Variants in FAM227B observed in about 807,000 individuals in gnomAD.
FAM227B encodes the protein protein FAM227B.
FAM227B carries 88 observed loss-of-function variants against 73.8 expected under a neutral mutation model. The observed-to-expected ratio is 1.19, with a 90% CI of 1.00 to 1.42. The LOEUF (loss-of-function observed/expected upper bound fraction) is 1.42. Among genes scored for constraint, FAM227B ranks in the 40% most tolerant of loss-of-function variants. The probability of loss-of-function intolerance (pLI) is 0.00; values close to 1 mark genes in which losing one functional copy is unlikely to be tolerated. For synonymous variants in FAM227B, 210 were observed against 190.5 expected, an observed-to-expected ratio of 1.10 and a Z score of -0.84; for missense variants, 632 against 590.9, an observed-to-expected ratio of 1.07 and a Z score of -0.72.
intron 11 of FAM227B, among the ~76,000 whole-genome samples, chr15:49,443,774 T>C (rs1157582828): frequency 2.6e-5 from 4 of 151,690 alleles, no homozygotes; most frequent in Admixed American, 2.0e-4. Flanking sequence ...CAACCATGGT[T>C]TGGCTTCAGA....
At chr15:49,585,693 G>T (rs1446303008) in intron 5 of FAM227B, among the ~76,000 whole-genome samples, 1 of 152,110 alleles carries the variant, frequency 6.6e-6, no homozygotes, top group African/African-American at 2.4e-5. Flanking sequence ...GGACTGTTGT[G>T]GGGTGGGTGG....
In FAM227B at chr15:49,521,051, C is replaced by T. The variant is rs117163244; in HGVS notation, c.875-12703G>A. ...ATGGGAACTTCCTGGGGGTACAGCA[C>T]AGGGCAGCCAGATTGTGCATGTGTG... On this transcript the variant is annotated intron_variant, in intron 10 of 15. Coordinates refer to ENST00000299338, the MANE Select transcript of FAM227B (RefSeq NM_152647.3). Among the ~76,000 whole-genome samples the T allele has an allele frequency of 1.8e-4, 27 of 152,292 alleles. No individual in the cohort carries two copies. In the East Asian group the frequency reaches 5.0e-3, roughly 28 times the overall value.
intron 13 of FAM227B, among the ~76,000 whole-genome samples, chr15:49,350,736 C>A (rs1333386956): frequency 6.6e-6 from 1 of 152,186 alleles, no homozygotes; most frequent in African/African-American, 2.4e-5. Flanking sequence ...CCCTAACACA[C>A]AGGAAGCTTC....
In FAM227B at chr15:49,508,299, G is replaced by T. The variant is rs73400279; in HGVS notation, c.924C>A (p.Leu308=). Residue 308 remains leucine, a synonymous_variant, in exon 11 of 16, where the codon CTC becomes CTA. Transcript: ENST00000299338. ...TGCTACCATGAATGGTGGTTGTGGAGAGTTCTTTCAGTTTCCAGTGGATCC... is the reference window on the plus strand; with the variant it reads ...TGCTACCATGAATGGTGGTTGTGGATAGTTCTTTCAGTTTCCAGTGGATCC... The part of the protein sequence containing the change: ...GFWIHWKLKE[L]STTTIHGSKK... 8,430 of 1,610,516 alleles carry T rather than the reference G, an allele frequency of 5.2e-3. 410 individuals are homozygous for T. The African/African-American group carries it at 0.1, about 20-fold the overall frequency.
intron 11 of FAM227B, among the ~76,000 whole-genome samples, chr15:49,472,514 G>A (rs2054868564): frequency 1.3e-5 from 2 of 152,172 alleles, no homozygotes; most frequent in Admixed American, 6.5e-5. Context: ...AAAAAGACTG[G>A]GAAATGGAAA....
At chr15:49,477,808 T>G (rs1227082514) in intron 11 of FAM227B, among the ~76,000 whole-genome samples, 1 of 152,242 alleles carries the variant, frequency 6.6e-6, no homozygotes, top group Non-Finnish European at 1.5e-5. Context: ...TGAAAGAGTT[T>G]TGGTTGCTTT....
intron 11 of FAM227B, among the ~76,000 whole-genome samples, chr15:49,459,945 A>G (rs1411618431): frequency 2.0e-5 from 3 of 152,162 alleles, no homozygotes; most frequent in Non-Finnish European, 4.4e-5. Flanking sequence ...TTTCTTCTGG[A>G]GAGTCTGTTC....
intron 2 of FAM227B, 89 bp downstream of exon 2, chr15:49,615,032 C>A: frequency 8.3e-7 from 1 of 1,210,448 alleles, no homozygotes; most frequent in Non-Finnish European, 1.2e-6. Context: ...AGTGACAAAG[C>A]CAGCTCTACC....
intron 3 of FAM227B, among the ~76,000 whole-genome samples, chr15:49,610,919 G>T (rs964027180): frequency 3.9e-5 from 6 of 152,064 alleles, no homozygotes; most frequent in Non-Finnish European, 5.9e-5. Context: ...ATAACTGTTG[G>T]ATATTCTTTA....
intron 11 of FAM227B, among the ~76,000 whole-genome samples, chr15:49,393,733 C>T (rs8035804): frequency 0.021 from 3,219 of 152,140 alleles, 141 homozygotes; most frequent in African/African-American, 0.074. Flanking sequence ...CTGACTACTG[C>T]GACTAACTGA....
At chr15:49,482,900 T>G (rs911490224) in intron 11 of FAM227B, among the ~76,000 whole-genome samples, 26 of 152,030 alleles carry the variant, frequency 1.7e-4, no homozygotes, top group African/African-American at 6.3e-4. Context: ...AACTCAAATA[T>G]GTAACTATTT....
intron 11 of FAM227B, chr15:49,396,215 G>C (rs1004791817): frequency 3.2e-5 from 11 of 347,954 alleles, no homozygotes; most frequent in African/African-American, 1.5e-4. Context: ...TTCCCTTTCC[G>C]AGTCAAAGAA....
At chr15:49,400,313 A>G (rs202207942) in intron 11 of FAM227B, among the ~76,000 whole-genome samples, 7 of 104,890 alleles carry the variant, frequency 6.7e-5, no homozygotes, top group Non-Finnish European at 9.6e-5. Flanking sequence ...GGATCTCTTC[A>G]AGGAGAACTA....
intron 11 of FAM227B, among the ~76,000 whole-genome samples, chr15:49,452,786 T>C (rs771256909): frequency 2.6e-5 from 4 of 152,150 alleles, no homozygotes; most frequent in Non-Finnish European, 2.9e-5. Flanking sequence ...ATGAATACTG[T>C]ATATGTGAAT....
chr15:49,560,274 T>A (rs1191190182), intron 9 of FAM227B, among the ~76,000 whole-genome samples: 1 of 151,486 alleles, frequency 6.6e-6, no homozygotes, highest in Non-Finnish European at 1.5e-5. Context: ...AGAAGAAAAA[T>A]TTTCAGAGCT....
intron 13 of FAM227B, among the ~76,000 whole-genome samples, chr15:49,343,379 T>C (rs543508671): frequency 1.6e-4 from 24 of 152,264 alleles, no homozygotes; most frequent in South Asian, 1.0e-3. Context: ...GAAGCTCTGA[T>C]TGATTTCCTA....
intron 11 of FAM227B, among the ~76,000 whole-genome samples, chr15:49,503,550 C>A (rs113160134): frequency 0.028 from 4,320 of 152,112 alleles, 210 homozygotes; most frequent in African/African-American, 0.1. Flanking sequence ...AATATCCAGA[C>A]TCTACAAAGA....
Position 49,596,411 on chromosome 15 carries a change from T to TGA in FAM227B, c.106-6406_106-6405dup, listed in dbSNP as rs200875872. On this transcript the variant is annotated intron_variant, in intron 3 of 15. Coordinates refer to ENST00000299338, the MANE Select transcript of FAM227B (RefSeq NM_152647.3). The stretch of plus-strand genomic sequence containing the variant: ...AAGTCCTCTTCAGACAAACAAATGA[T>TGA]GAGAGAGAGACTACCAAGCCAGCAC... Among the ~76,000 whole-genome samples, 302 of 151,954 alleles carry TGA rather than the reference T, an allele frequency of 2.0e-3. 1 individual carries two copies. Among genetic ancestry groups the TGA allele is most frequent in the African/African-American group, 6.8e-3 (283 of 41,518 alleles).
Position 49,592,976 on chromosome 15 carries a change from G to A in FAM227B, c.106-2969C>T, listed in dbSNP as rs377290136. Reference sequence around the variant, plus strand: ...CAGCAGTGAGCAAAGTTCCGTGGGCGTGGGACCCACTGAGCCAGGCACAGG... The same window carrying A: ...CAGCAGTGAGCAAAGTTCCGTGGGCATGGGACCCACTGAGCCAGGCACAGG... On this transcript the variant is annotated intron_variant, in intron 3 of 15. Transcript: ENST00000299338. 8.5e-5 allele frequency among the ~76,000 whole-genome samples: 13 copies of A among 152,334 alleles called. No homozygotes were observed. In the East Asian group the frequency reaches 1.4e-3, roughly 16 times the overall value.
Sources: allele counts gnomAD v4.1 joint callset (sites outside exome capture counted in the v4.1 genomes callset), GRCh38; gene constraint gnomAD v4.1.1; transcripts MANE v1.5; gene names NCBI Gene and HGNC (gene_info 2026-07-23, HGNC 2026-07-21).